The following NAV3 variants were observed in gnomAD, a reference collection of about 807,000 sequenced individuals.
The protein encoded by NAV3 is pore membrane and/or filament interacting like protein 1.
Under a neutral mutation model 244.7 loss-of-function variants are expected in NAV3, and 87 were observed. That is an observed-to-expected ratio of 0.36 (90% CI 0.30 to 0.42). NAV3 has a LOEUF of 0.42. Among genes scored for constraint, NAV3 ranks in the 20% least tolerant of loss-of-function variants. NAV3 has a pLI of 1.00. For missense variants in NAV3, 2,663 were observed against 2,893.3 expected (o/e 0.92, Z 1.83); for synonymous variants, 1,126 against 1,042.2 (o/e 1.08, Z -1.55).
At chr12:77,968,449 G>C (rs532267055) in intron 4 of NAV3, 70 bp from the exon 5 acceptor site, 1 of 1,154,810 alleles carries the variant, frequency 8.7e-7, no homozygotes, top group Non-Finnish European at 1.3e-6. Context: ...CAAGAGAAAT[G>C]CATCTAGAAT....
At chr12:78,187,718 T>G (rs1958788405) in intron 31 of NAV3, among the ~76,000 whole-genome samples, 2 of 151,914 alleles carry the variant, frequency 1.3e-5, no homozygotes, top group Admixed American at 1.3e-4. Flanking sequence ...TACCTTATAT[T>G]ATCATAGATA....
intron 2 of NAV3, among the ~76,000 whole-genome samples, chr12:77,674,924 C>G (rs1385467214): frequency 2.6e-5 from 4 of 152,118 alleles, no homozygotes; most frequent in South Asian, 2.1e-4. Context: ...GTACTAAGTG[C>G]CACAAGAGAG....
At chr12:77,999,828 A>G (rs148791243) in intron 7 of NAV3, among the ~76,000 whole-genome samples, 1 of 152,220 alleles carries the variant, frequency 6.6e-6, no homozygotes, top group African/African-American at 2.4e-5. Flanking sequence ...TAACTTTTCT[A>G]AAAAATATTA....
intron 2 of NAV3, among the ~76,000 whole-genome samples, chr12:77,746,218 A>ATATTT (rs1868535785): frequency 6.6e-6 from 1 of 152,080 alleles, no homozygotes; most frequent in African/African-American, 2.4e-5. Context: ...GATAGTAAAT[A>ATATTT]TATTTGGCTT....
intron 3 of NAV3, among the ~76,000 whole-genome samples, chr12:77,944,410 A>T (rs1890144452): frequency 6.6e-6 from 1 of 152,152 alleles, no homozygotes; most frequent in Non-Finnish European, 1.5e-5. Context: ...AATGGCCCCA[A>T]TTTTTTAGCC....
intron 1 of NAV3, among the ~76,000 whole-genome samples, chr12:77,876,384 C>G (rs773111801): frequency 5.9e-5 from 9 of 151,996 alleles, no homozygotes; most frequent in Non-Finnish European, 1.0e-4. Flanking sequence ...GTAGGAGGAA[C>G]AAGGATAATA....
intron 2 of NAV3, among the ~76,000 whole-genome samples, chr12:77,692,273 A>C (rs2137163822): frequency 6.6e-6 from 1 of 152,184 alleles, no homozygotes; most frequent in Admixed American, 6.6e-5. Context: ...ATCCATAATA[A>C]AATATTTTAC....
At chr12:78,178,610 T>G (rs1958360357) in intron 28 of NAV3, among the ~76,000 whole-genome samples, 1 of 152,126 alleles carries the variant, frequency 6.6e-6, no homozygotes, top group South Asian at 2.1e-4. Flanking sequence ...GAGATAATTC[T>G]CTGTGTTATT....
intron 2 of NAV3, among the ~76,000 whole-genome samples, chr12:77,689,374 G>A (rs1270724636): frequency 6.6e-6 from 1 of 151,900 alleles, no homozygotes; most frequent in Admixed American, 6.6e-5. Context: ...AGTGGTTGAA[G>A]TGCAATGAAA....
chr12:78,008,765 G>T (rs1253121275), intron 8 of NAV3, among the ~76,000 whole-genome samples: 1 of 151,932 alleles, frequency 6.6e-6, no homozygotes, highest in Non-Finnish European at 1.5e-5. Flanking sequence ...CATTACAATT[G>T]AATGTTGCTA....
intron 12 of NAV3, among the ~76,000 whole-genome samples, chr12:78,083,682 T>C (rs1488166325): frequency 6.6e-6 from 1 of 152,122 alleles, no homozygotes; most frequent in African/African-American, 2.4e-5. Flanking sequence ...TAGTGAAAAC[T>C]TCACCTTCTC....
At chr12:77,629,501 T>G (rs1369428378) in intron 2 of NAV3, among the ~76,000 whole-genome samples, 1 of 152,202 alleles carries the variant, frequency 6.6e-6, no homozygotes. Flanking sequence ...GCTTAAAAAT[T>G]TCACTTGTAA....
At chr12:77,745,266 C>A (rs1217153873) in intron 2 of NAV3, among the ~76,000 whole-genome samples, 2 of 151,942 alleles carry the variant, frequency 1.3e-5, no homozygotes, top group Non-Finnish European at 2.9e-5. Flanking sequence ...CTGAGGTTTT[C>A]TTTTGTCATC....
At chr12:77,576,312 G>A (rs77417354) in intron 2 of NAV3, among the ~76,000 whole-genome samples, 3,673 of 151,972 alleles carry the variant, frequency 0.024, 113 homozygotes, top group African/African-American at 0.083. Flanking sequence ...AAGTTTAAGC[G>A]GAGGGTTAGA....
chr12:78,200,719 CA>C lies in NAV3; in HGVS notation c.6834+130del, dbSNP rs1287329712. The C allele has an allele frequency of 4.7e-5, 21 of 446,434 alleles. No homozygotes were observed. The East Asian group carries it at 7.3e-4, about 16-fold the overall frequency. The allele number at this position is 446,434 out of a possible 1,614,324, so 27.7% of individuals were successfully genotyped here. A position where few individuals can be genotyped will look rare whatever the true frequency, so the allele number is the denominator to read the frequency against. On this transcript the variant is annotated intron_variant, in intron 38 of 39. Transcript: ENST00000397909. ...AAAGGCATGAACTATATGAATAGAGCAATAAGGTTTTCAAGAGCAAATAGTT... is the reference window on the plus strand; with the variant it reads ...AAAGGCATGAACTATATGAATAGAGCATAAGGTTTTCAAGAGCAAATAGTT...
intron 2 of NAV3, among the ~76,000 whole-genome samples, chr12:77,655,319 T>C (rs11106151): frequency 0.18 from 27,355 of 151,916 alleles, 3,275 homozygotes; most frequent in African/African-American, 0.34. Flanking sequence ...GCAGAAGCCT[T>C]AGGAGCCGAT....
At position 77,964,810 on chromosome 12, in the gene NAV3, T is replaced by C. The variant is rs562973931; in HGVS notation, c.415-1419T>C. On this transcript the variant is annotated intron_variant, in intron 3 of 39. Transcript: ENST00000397909. The stretch of plus-strand genomic sequence containing the variant: ...AAGTTAATTAATATAAATTTTTTTT[T>C]CCTCAAAATAAATGAGTATATCTTG... 1.1e-4 allele frequency among the ~76,000 whole-genome samples: 17 copies of C among 152,188 alleles called. No homozygotes were observed. In the East Asian group the frequency reaches 2.3e-3, roughly 21 times the overall value.
chr12:78,182,830 C>G (rs1958558507), intron 30 of NAV3, among the ~76,000 whole-genome samples: 1 of 151,740 alleles, frequency 6.6e-6, no homozygotes, highest in Non-Finnish European at 1.5e-5. Context: ...ATCACACAAC[C>G]AGAATATTGT....
rs137999423 is a variant in NAV3, at chr12:77,680,059, A to G, written c.72+107793A>G. ...TGCACAAGTGAAAGGGAAACTTTTG[A>G]ACAATAGAGATTGCATGGTGTTATA... On this transcript the variant is annotated intron_variant, in intron 2 of 8. Coordinates refer to the NAV3 transcript ENST00000550042. Among the ~76,000 whole-genome samples, 4 of 152,266 alleles carry G rather than the reference A, an allele frequency of 2.6e-5. No individual in the cohort carries two copies. In the East Asian group the frequency reaches 7.7e-4, roughly 29 times the overall value.
Sources: allele counts gnomAD v4.1 joint callset (sites outside exome capture counted in the v4.1 genomes callset), GRCh38; gene constraint gnomAD v4.1.1; transcripts MANE v1.5; gene names NCBI Gene and HGNC (gene_info 2026-07-23, HGNC 2026-07-21).